UNG: variants seen among roughly 807,000 people sequenced by gnomAD.
UNG encodes uracil DNA glycosylase.
Under a neutral mutation model 36.5 loss-of-function variants are expected in UNG, and 34 were observed. The ratio of observed to expected loss-of-function variants is 0.93; its 90% CI spans 0.71 to 1.24. The LOEUF (loss-of-function observed/expected upper bound fraction) is 1.24. Ranked by LOEUF, UNG falls within the 50% of genes most tolerant of loss-of-function variation. The probability of loss-of-function intolerance (pLI) is 0.00; values close to 1 mark genes in which losing one functional copy is unlikely to be tolerated. For synonymous variants in UNG, 172 were observed against 157.8 expected (o/e 1.09, Z -0.67); for missense variants, 391 against 397.6 (o/e 0.98, Z 0.14).
intron 3 of UNG, among the ~76,000 whole-genome samples, chr12:109,100,916 C>T (rs1367732779): frequency 1.3e-5 from 2 of 151,956 alleles, no homozygotes; most frequent in Non-Finnish European, 2.9e-5. Context: ...GTGGGTGGGC[C>T]CTGGATGGGA....
At chr12:109,101,102 ATTGCTTTTTTT>A (rs1433707967) in intron 3 of UNG, among the ~76,000 whole-genome samples, 5 of 118,936 alleles carry the variant, frequency 4.2e-5, no homozygotes. Context: ...GGAAATCTGA[ATTGCTTTTTTT>A]TTTTTTTTTT....
rs2042257234 is a variant in UNG, at chr12:109,110,788, T to G, written c.*819T>G. On this transcript the variant is annotated 3_prime_UTR_variant, in exon 7 of 7. Transcript: ENST00000242576. ...ACTGAAATCACTTTGGGATATTTTT[T>G]CCTGCAACACTGGAAAGTTTTAGTT... The G allele has an allele frequency of 6.6e-6, 1 of 152,130 alleles. No individual in the cohort carries two copies. Among genetic ancestry groups the G allele is most frequent in the South Asian group, 2.1e-4 (1 of 4,826 alleles). The allele number at this position is 152,130 out of a possible 1,614,324, so 9.4% of individuals were successfully genotyped here.
At chr12:109,109,362 A>G (rs2042242127) in intron 6 of UNG, among the ~76,000 whole-genome samples, 1 of 152,174 alleles carries the variant, frequency 6.6e-6, no homozygotes, top group African/African-American at 2.4e-5. Context: ...TTGCTCAACA[A>G]ACGGACTAAT....
At position 109,109,851 on chromosome 12, in the gene UNG, C is replaced by T. The variant is rs761656626; in HGVS notation, c.824C>T (p.Thr275Met). The T allele has an allele frequency of 1.9e-5, 31 of 1,613,814 alleles. 1 individual carries two copies. Among genetic ancestry groups the T allele is most frequent in the South Asian group, 6.6e-5 (6 of 91,082 alleles). ...CAGAAGCGGCACCATGTACTACAGA[C>T]GGCTCATCCCTCCCCTTTGTCAGTG... Reference protein sequence around the residue: ...IDRKRHHVLQTAHPSPLSVYR... With the variant: ...IDRKRHHVLQMAHPSPLSVYR... Residue 275 changes from threonine (T) to methionine (M), a missense_variant, in exon 7 of 7, where the codon ACG (threonine) becomes ATG (methionine). Transcript: ENST00000242576.
intron 5 of UNG, 114 bp from the exon 6 acceptor site, chr12:109,103,319 T>G: frequency 9.9e-7 from 1 of 1,011,738 alleles, no homozygotes; most frequent in East Asian, 2.5e-5. Flanking sequence ...GAAGCACAGC[T>G]TGCTACACTG....
chr12:109,103,106 C>G (rs946102426), intron 5 of UNG, among the ~76,000 whole-genome samples, 179 bp downstream of exon 5: 1 of 152,024 alleles, frequency 6.6e-6, no homozygotes. Flanking sequence ...CATGAGCCAC[C>G]ATAGCTGGCT....
Position 109,102,866 on chromosome 12 carries a change from T to C in UNG, c.561T>C (p.Ser187=), listed in dbSNP as rs2042188567. 6.2e-7 allele frequency: 1 copy of C among 1,613,610 alleles called. No homozygotes were observed. Among genetic ancestry groups the C allele is most frequent in the Admixed American group, 1.7e-5 (1 of 59,966 alleles). Reference sequence around the variant, plus strand: ...TGGAGAACATTTATAAAGAGTTGTCTACAGACATAGAGGATTTTGTTCATC... The same window carrying C: ...TGGAGAACATTTATAAAGAGTTGTCCACAGACATAGAGGATTTTGTTCATC... ...PSLENIYKEL[S]TDIEDFVHPG... Residue 187 remains serine, a synonymous_variant, in exon 5 of 7, where the codon TCT becomes TCC. Coordinates refer to ENST00000242576, the MANE Select transcript of UNG (RefSeq NM_080911.3).
chr12:109,103,207 C>T (rs1241341750), intron 5 of UNG, among the ~76,000 whole-genome samples: 1 of 152,102 alleles, frequency 6.6e-6, no homozygotes, highest in Admixed American at 6.6e-5. Flanking sequence ...CCGCCCGACT[C>T]GGCTTCCCAA....
intron 6 of UNG, among the ~76,000 whole-genome samples, chr12:109,108,820 T>TG (rs2042238218): frequency 6.6e-6 from 1 of 152,056 alleles, no homozygotes. Flanking sequence ...TTTGTAGAGA[T>TG]GGGGTCTCGC....
chr12:109,104,072 G>A (rs200996492), intron 6 of UNG, among the ~76,000 whole-genome samples: 1 of 50,392 alleles, frequency 2.0e-5, no homozygotes. Context: ...GTTTTTTGAT[G>A]GAGTCTCGCT....
chr12:109,100,135 G>A (rs935444474), intron 3 of UNG, among the ~76,000 whole-genome samples: 4 of 151,848 alleles, frequency 2.6e-5, no homozygotes, highest in East Asian at 1.9e-4. Context: ...ATAGGGCCAC[G>A]TCCTACCTCT....
At chr12:109,101,372 G>A (rs1011831099) in intron 3 of UNG, among the ~76,000 whole-genome samples, 14 of 151,658 alleles carry the variant, frequency 9.2e-5, no homozygotes, top group African/African-American at 3.1e-4. Context: ...TTACAGGCGT[G>A]AGCCACCATG....
At position 109,097,805 on chromosome 12, in the gene UNG, T is replaced by C. The variant is rs372022075; in HGVS notation, c.126T>C (p.Asp42=). ...CTGGGGTGCCTGAGGAAAGCGGAGA[T>C]GCGGCGGTGAGGCGCGGCTTGGGCC... ...GVAGVPEESG[D]AAAIPAKKAP... Residue 42 remains aspartate (D), a synonymous_variant, in exon 1 of 7, where the codon GAT becomes GAC. Coordinates refer to ENST00000242576, the MANE Select transcript of UNG (RefSeq NM_080911.3). 3.9e-6 allele frequency: 6 copies of C among 1,545,620 alleles called. No individual in the cohort carries two copies. Among genetic ancestry groups the C allele is most frequent in the East Asian group, 2.4e-5 (1 of 40,828 alleles).
intron 3 of UNG, among the ~76,000 whole-genome samples, chr12:109,101,679 C>T (rs889101069): frequency 6.6e-6 from 1 of 152,154 alleles, no homozygotes. Flanking sequence ...CACTGCACAT[C>T]AGCCTGAGCA....
At chr12:109,099,100 C>T in intron 2 of UNG, 89 bp from the exon 3 acceptor site, 1 of 1,243,192 alleles carries the variant, frequency 8.0e-7, no homozygotes, top group East Asian at 2.4e-5. Context: ...TAATGATGTT[C>T]CAAATAACTT....
chr12:109,110,991 T>C lies in UNG; in HGVS notation c.*1022T>C, dbSNP rs2042261426. 1 of 152,088 alleles carries C rather than the reference T, an allele frequency of 6.6e-6. No homozygotes were observed. The highest frequency in any genetic ancestry group is 1.5e-5 in the Non-Finnish European group (1 of 68,012). 9.4% of individuals were successfully genotyped at this position (152,088 alleles called of 1,614,324 possible). A position where few individuals can be genotyped will look rare whatever the true frequency, so the allele number is the denominator to read the frequency against. On this transcript the variant is annotated 3_prime_UTR_variant, in exon 7 of 7. Transcript: ENST00000242576. ...TTTGTTAATAAAAGTTTGTTAAAAG[T>C]TTGTTTTGTGCAAGTGTCCTTTGTG...
chr12:109,110,072 A>AGG lies in UNG; in HGVS notation c.*107_*108dup. On this transcript the variant is annotated 3_prime_UTR_variant, in exon 7 of 7. Coordinates refer to ENST00000242576, the MANE Select transcript of UNG (RefSeq NM_080911.3). The stretch of plus-strand genomic sequence containing the variant: ...TATTAATTCTTAAGTACTCTGCATA[A>AGG]GGGGGAAAAGCTTCCAGAAAGCAGC... 1.3e-6 allele frequency: 2 copies of AGG among 1,523,956 alleles called. No individual in the cohort carries two copies. The highest frequency in any genetic ancestry group is 1.8e-6 in the Non-Finnish European group (2 of 1,117,748). The allele number at this position is 1,523,956 out of a possible 1,614,324, so 94.4% of individuals were successfully genotyped here. A position where few individuals can be genotyped will look rare whatever the true frequency, so the allele number is the denominator to read the frequency against.
rs771690497 is a variant in UNG, at chr12:109,099,234, C to A, written c.385C>A (p.Pro129Thr). 2 of 1,613,998 alleles carry A rather than the reference C, an allele frequency of 1.2e-6. No homozygotes were observed. Among genetic ancestry groups the A allele is most frequent in the Admixed American group, 3.3e-5 (2 of 60,024 alleles). Residue 129 changes from proline to threonine, a missense_variant, in exon 3 of 7, where the codon CCA (proline) becomes ACA (threonine). Physicochemically the swap from Pro to Thr is conservative, Grantham distance 38. Transcript: ENST00000242576. Reference sequence around the variant, plus strand: ...AGAAAGAAAGCATTACACTGTTTATCCACCCCCACACCAAGTCTTCACCTG... The same window carrying A: ...AGAAAGAAAGCATTACACTGTTTATACACCCCCACACCAAGTCTTCACCTG... ...AEERKHYTVY[P>T]PPHQVFTWTQ...
In UNG at chr12:109,110,937, A is replaced by G. The variant is rs1024745296; in HGVS notation, c.*968A>G. 6.6e-6 allele frequency: 1 copy of G among 151,920 alleles called. No homozygotes were observed. The highest frequency in any genetic ancestry group is 2.1e-4 in the South Asian group (1 of 4,822). 9.4% of individuals were successfully genotyped at this position (151,920 alleles called of 1,614,324 possible). ...TGTTAGCAATGCTGTTTTTGCTGTT[A>G]GTCGGGTTAGAGTTGGCTCTACGCG... On this transcript the variant is annotated 3_prime_UTR_variant, in exon 7 of 7. Transcript: ENST00000242576.
Sources: allele counts gnomAD v4.1 joint callset (sites outside exome capture counted in the v4.1 genomes callset), GRCh38; gene constraint gnomAD v4.1.1; transcripts MANE v1.5; gene names NCBI Gene and HGNC (gene_info 2026-07-23, HGNC 2026-07-21).